The following BCAS3 variants were observed in gnomAD, a reference collection of about 807,000 sequenced individuals.
The protein encoded by BCAS3 is BCAS4/BCAS3 fusion.
BCAS3 carries 53 observed loss-of-function variants against 116.1 expected under a neutral mutation model. The ratio of observed to expected loss-of-function variants is 0.46; its 90% CI spans 0.37 to 0.57. The LOEUF (loss-of-function observed/expected upper bound fraction) is 0.57. Ranked by LOEUF, BCAS3 falls within the 20% of genes least tolerant of loss-of-function variation. The probability of loss-of-function intolerance (pLI) is 0.00; values close to 1 mark genes in which losing one functional copy is unlikely to be tolerated. For synonymous variants in BCAS3, 391 were observed against 408.2 expected (o/e 0.96, Z 0.51); for missense variants, 917 against 1,165.4 (o/e 0.79, Z 3.10).
chr17:61,008,032 C>T lies in BCAS3; in HGVS notation c.1487-7719C>T, dbSNP rs113403510. ...GTTTATAGTCTTTAAAAATGTGTGT[C>T]TGTGTGTCGACACACACACACACAC... On this transcript the variant is annotated intron_variant, in intron 15 of 23. Transcript: ENST00000407086. The surrounding 1 kb of genome is among the most constrained non-coding windows in gnomAD (Gnocchi z 4.6). Among the ~76,000 whole-genome samples, 81 of 151,424 alleles carry T rather than the reference C, an allele frequency of 5.3e-4. No homozygotes were observed. The highest frequency in any genetic ancestry group is 1.9e-3 in the African/African-American group (77 of 41,050).
At chr17:60,813,493 T>C (rs1158761959) in intron 7 of BCAS3, among the ~76,000 whole-genome samples, 1 of 152,198 alleles carries the variant, frequency 6.6e-6, no homozygotes, top group Non-Finnish European at 1.5e-5. Flanking sequence ...TTTAAATTCG[T>C]TATAGATTCT....
intron 7 of BCAS3, among the ~76,000 whole-genome samples, chr17:60,858,936 C>T (rs745406541): frequency 6.6e-4 from 95 of 143,166 alleles, no homozygotes; most frequent in Non-Finnish European, 8.7e-4. Flanking sequence ...AAACTGTATT[C>T]TTCTTTTTGC....
chr17:61,016,001 T>C (rs1306098085), intron 16 of BCAS3, 100 bp downstream of exon 16: 1 of 1,270,144 alleles, frequency 7.9e-7, no homozygotes, highest in African/African-American at 1.5e-5. Context: ...TATTATGTTC[T>C]TCATTTCCAG....
Position 60,747,063 on chromosome 17 carries a change from G to A in BCAS3, c.322-135G>A, listed in dbSNP as rs1330139766. ...AATATACTTAACATGTATGACCAAT[G>A]ATAAATGGGTGTGGGTGTATGTATA... On this transcript the variant is annotated intron_variant, in intron 5 of 23. Transcript: ENST00000407086. 6 of 540,452 alleles carry A rather than the reference G, an allele frequency of 1.1e-5. No individual in the cohort carries two copies. The East Asian group carries it at 1.7e-4, about 15-fold the overall frequency. The allele number at this position is 540,452 out of a possible 1,614,324, so 33.5% of individuals were successfully genotyped here. A position where few individuals can be genotyped will look rare whatever the true frequency, so the allele number is the denominator to read the frequency against.
Position 60,715,557 on chromosome 17 carries a change from C to T in BCAS3, c.321+6232C>T, listed in dbSNP as rs1355254323. 3.3e-5 allele frequency among the ~76,000 whole-genome samples: 5 copies of T among 151,958 alleles called. No individual in the cohort carries two copies. In the East Asian group the frequency reaches 9.7e-4, roughly 30 times the overall value. On this transcript the variant is annotated intron_variant, in intron 5 of 23. Coordinates refer to ENST00000407086, the MANE Select transcript of BCAS3 (RefSeq NM_017679.5). Reference sequence around the variant, plus strand: ...AGGCTAGAGTGCAGTAGCGCAATCTCAGCTCACTGCAACCTCCGCCTCCTG... The same window carrying T: ...AGGCTAGAGTGCAGTAGCGCAATCTTAGCTCACTGCAACCTCCGCCTCCTG...
Position 61,037,738 on chromosome 17 carries a change from CAAAAAAAA to C in BCAS3, c.1763-150_1763-143del, listed in dbSNP as rs750908824. ...GGCAGCAAGAGCAAAACTCCATCTCCAAAAAAAAGAAAAAAAGAAAAAAATTCCTGTCT... is the reference window on the plus strand; with the variant it reads ...GGCAGCAAGAGCAAAACTCCATCTCCGAAAAAAAGAAAAAAATTCCTGTCT... On this transcript the variant is annotated intron_variant, in intron 17 of 23. Coordinates refer to ENST00000407086, the MANE Select transcript of BCAS3 (RefSeq NM_017679.5). This position sits in a 1 kb window ranked among gnomAD's most constrained non-coding sequence, Gnocchi z 4.7. The C allele has an allele frequency of 8.7e-5, 68 of 778,582 alleles. 1 individual carries two copies. The highest frequency in any genetic ancestry group is 8.6e-4 in the Middle Eastern group (2 of 2,318). 48.2% of individuals were successfully genotyped at this position (778,582 alleles called of 1,614,324 possible). A position where few individuals can be genotyped will look rare whatever the true frequency, so the allele number is the denominator to read the frequency against.
At position 60,859,663 on chromosome 17, in the gene BCAS3, G is replaced by A. The variant is rs546256991; in HGVS notation, c.477-8913G>A. Among the ~76,000 whole-genome samples the A allele has an allele frequency of 5.9e-5, 9 of 151,644 alleles. No homozygotes were observed. In the South Asian group the frequency reaches 1.9e-3, roughly 32 times the overall value. On this transcript the variant is annotated intron_variant, in intron 7 of 23. Coordinates refer to ENST00000407086, the MANE Select transcript of BCAS3 (RefSeq NM_017679.5). ...AGCTCACTGCAACCTCCACCTCCCA[G>A]GTTCAAGCGATTCTCCTTCCTCAGC...
At chr17:61,167,591 G>T (rs980208507) in intron 22 of BCAS3, among the ~76,000 whole-genome samples, 1 of 152,200 alleles carries the variant, frequency 6.6e-6, no homozygotes, top group African/African-American at 2.4e-5. Flanking sequence ...CTAGGTACTA[G>T]AAAAGATGGT....
intron 14 of BCAS3, among the ~76,000 whole-genome samples, chr17:60,988,360 T>TTTTTTTTTTTTTTTTTTTTTG (rs1555651709): frequency 1.2e-4 from 16 of 134,812 alleles, no homozygotes; most frequent in African/African-American, 4.8e-4. Flanking sequence ...TTTTTTTTTT[T>TTTTTTTTTTTTTTTTTTTTTG]ATGTATGTGT....
chr17:61,057,613 A>G (rs2069519986), intron 19 of BCAS3, among the ~76,000 whole-genome samples: 1 of 152,050 alleles, frequency 6.6e-6, no homozygotes, highest in African/African-American at 2.4e-5. Context: ...GACCCAAGAC[A>G]TGTTAAAAGA....
At chr17:60,982,597 C>A (rs1019696352) in intron 14 of BCAS3, among the ~76,000 whole-genome samples, 2 of 152,152 alleles carry the variant, frequency 1.3e-5, no homozygotes, top group African/African-American at 4.8e-5. Flanking sequence ...CCTCTCTCTA[C>A]TGTGGAGAAT....
intron 6 of BCAS3, among the ~76,000 whole-genome samples, chr17:60,769,743 A>T (rs935238901): frequency 6.6e-6 from 1 of 152,016 alleles, no homozygotes; most frequent in Non-Finnish European, 1.5e-5. Context: ...TCAGGGAAGA[A>T]CATAGTCCTT....
chr17:60,786,597 A>G (rs998785441), intron 6 of BCAS3, among the ~76,000 whole-genome samples: 2 of 151,170 alleles, frequency 1.3e-5, no homozygotes, highest in African/African-American at 4.9e-5. Context: ...AATCTGAAGT[A>G]TAAAATCTAT....
chr17:60,970,216 T>C (rs772720127), intron 14 of BCAS3, among the ~76,000 whole-genome samples: 5 of 152,134 alleles, frequency 3.3e-5, no homozygotes, highest in Non-Finnish European at 5.9e-5. Context: ...GGCAGGTATA[T>C]GGAGCTGTAC....
At chr17:61,116,580 T>C (rs2075471888) in intron 22 of BCAS3, among the ~76,000 whole-genome samples, 1 of 152,230 alleles carries the variant, frequency 6.6e-6, no homozygotes, top group South Asian at 2.1e-4. Flanking sequence ...TTGCTTACTA[T>C]GTTTTTTCTT....
chr17:61,225,875 AC>A (rs1371522151), intron 22 of BCAS3, among the ~76,000 whole-genome samples: 2 of 152,222 alleles, frequency 1.3e-5, no homozygotes, highest in African/African-American at 4.8e-5. Context: ...AAAGGATACA[AC>A]CAAGGTAGGG....
In BCAS3 at chr17:61,286,836, T is replaced by C. The variant is rs1209873930; in HGVS notation, c.2426-81491T>C. Among the ~76,000 whole-genome samples the C allele has an allele frequency of 6.6e-6, 1 of 152,158 alleles. No individual in the cohort carries two copies. The highest frequency in any genetic ancestry group is 1.9e-4 in the East Asian group (1 of 5,184). ...CAGGGTGAGGAAAGACAGAGAATGC[T>C]TTCTAGGACCTTTATACTGCATTCA... On this transcript the variant is annotated intron_variant, in intron 22 of 23. Transcript: ENST00000407086. This position sits in a 1 kb window ranked among gnomAD's most constrained non-coding sequence, Gnocchi z 4.8.
At chr17:61,079,958 C>T (rs914964672) in intron 21 of BCAS3, among the ~76,000 whole-genome samples, 1 of 135,158 alleles carries the variant, frequency 7.4e-6, no homozygotes, top group Non-Finnish European at 1.5e-5. Flanking sequence ...GTGGTGCGAT[C>T]TCAGTTCACT....
intron 22 of BCAS3, among the ~76,000 whole-genome samples, chr17:61,129,621 G>A (rs2076226356): frequency 6.6e-6 from 1 of 152,188 alleles, no homozygotes; most frequent in Non-Finnish European, 1.5e-5. Context: ...CAGGGCCTTC[G>A]GCATCCTTTT....
Sources: gnomAD v4.1 joint callset for allele counts (sites outside exome capture counted in the v4.1 genomes callset) on GRCh38, gnomAD v4.1.1 for gene constraint, Gnocchi (gnomAD v3.1) non-coding constraint, MANE v1.5 for transcripts, NCBI Gene and HGNC (gene_info 2026-07-23, HGNC 2026-07-21) for gene names.